NOTCH2: variants seen among roughly 807,000 people sequenced by gnomAD.
NOTCH2 encodes the protein neurogenic locus notch homolog protein 2.
Under a neutral mutation model 235.8 loss-of-function variants are expected in NOTCH2, and 29 were observed. The observed-to-expected ratio is 0.12, with a 90% CI of 0.09 to 0.17. The LOEUF is 0.17. NOTCH2 is among the 10% of genes least tolerant of loss of function. The pLI, the probability that NOTCH2 is intolerant of heterozygous loss-of-function variation, is 1.00. For synonymous variants in NOTCH2, 1,086 were observed against 1,141.5 expected, an observed-to-expected ratio of 0.95 and a Z score of 0.98; for missense variants, 2,285 against 3,150.2, an observed-to-expected ratio of 0.73 and a Z score of 6.57.
chr1:120,067,692 T>C (rs1473109409), intron 1 of NOTCH2, among the ~76,000 whole-genome samples: 1 of 152,200 alleles, frequency 6.6e-6, no homozygotes, highest in African/African-American at 2.4e-5. Flanking sequence ...ATCCTAAAGC[T>C]ACACTTAAAG....
chr1:119,984,019 T>C (rs1332793540), intron 5 of NOTCH2, among the ~76,000 whole-genome samples: 6 of 152,210 alleles, frequency 3.9e-5, no homozygotes, highest in Admixed American at 3.9e-4. Flanking sequence ...AAATAGTTAA[T>C]GCTTCAAGTC....
At chr1:119,972,131 A>G (rs1651388859) in intron 5 of NOTCH2, among the ~76,000 whole-genome samples, 1 of 147,942 alleles carries the variant, frequency 6.8e-6, no homozygotes, top group African/African-American at 2.5e-5. Context: ...GGAGGAAGGT[A>G]AGAAAGGGAG....
At chr1:119,969,874 G>T in intron 5 of NOTCH2, 130 bp from the exon 6 acceptor site, 1 of 823,142 alleles carries the variant, frequency 1.2e-6, no homozygotes, top group Non-Finnish European at 2.0e-6. Flanking sequence ...CAGAAGGCTG[G>T]GTCTTCACAT....
At chr1:119,930,780 A>G (rs1553194992) in intron 22 of NOTCH2, among the ~76,000 whole-genome samples, 5 of 149,830 alleles carry the variant, frequency 3.3e-5, no homozygotes, top group African/African-American at 1.2e-4. Flanking sequence ...CTCTGTCTCA[A>G]AAAATAATAA....
In NOTCH2 at chr1:119,916,299, C is replaced by T; in HGVS notation, c.6423G>A (p.Leu2141=). 1 of 1,614,218 alleles carries T rather than the reference C, an allele frequency of 6.2e-7. No individual in the cohort carries two copies. The highest frequency in any genetic ancestry group is 8.5e-7 in the Non-Finnish European group (1 of 1,180,032). ...RKKSLSEKVQ[L]SESSVTLSPV... is the part of the protein sequence containing the mutation. ...GGGATAAAGTTACTGAACTCTCAGACAGTTGGACCTTCTCACTCAGAGACT... is the reference window on the plus strand; with the variant it reads ...GGGATAAAGTTACTGAACTCTCAGATAGTTGGACCTTCTCACTCAGAGACT... The change falls in exon 34 of 34, where the codon CTG becomes CTA. Residue 2141 remains leucine (L), a synonymous_variant. Transcript: ENST00000256646.
At chr1:119,978,438 AG>A (rs1453637643) in intron 5 of NOTCH2, among the ~76,000 whole-genome samples, 1 of 152,196 alleles carries the variant, frequency 6.6e-6, no homozygotes, top group Non-Finnish European at 1.5e-5. Flanking sequence ...TGCAGTGAGG[AG>A]AATGGACTGA....
chr1:119,930,140 T>C (rs182087728), intron 22 of NOTCH2, among the ~76,000 whole-genome samples: 1 of 152,362 alleles, frequency 6.6e-6, no homozygotes, highest in Admixed American at 6.5e-5. Context: ...GGCATATTTC[T>C]CAGAACATAT....
intron 2 of NOTCH2, among the ~76,000 whole-genome samples, chr1:120,029,347 ATATTTTTTTT>A (rs1352148865): frequency 1.3e-5 from 2 of 151,854 alleles, no homozygotes; most frequent in East Asian, 3.9e-4. Context: ...ATATTTTTTT[ATATTTTTTTT>A]TATTTCTTTT....
At position 119,940,747 on chromosome 1, in the gene NOTCH2, G is replaced by A; in HGVS notation, c.2991C>T (p.Phe997=). The A allele has an allele frequency of 6.2e-7, 1 of 1,614,116 alleles. No homozygotes were observed. The highest frequency in any genetic ancestry group is 2.2e-5 in the East Asian group (1 of 44,874). The change falls in exon 19 of 34, where the codon TTC becomes TTT. Residue 997 remains phenylalanine, a synonymous_variant. Coordinates refer to ENST00000256646, the MANE Select transcript of NOTCH2 (RefSeq NM_024408.4). The stretch of plus-strand genomic sequence containing the variant: ...TCCCATCAACACATGTGCCACCATT[G>A]AAACAGGAGCTAAGAAGCAAACAGA... ...NINECTESSC[F]NGGTCVDGIN... is the part of the protein sequence containing the mutation.
chr1:120,038,873 G>T (rs587626182), intron 1 of NOTCH2, among the ~76,000 whole-genome samples: 96 of 151,922 alleles, frequency 6.3e-4, no homozygotes, highest in African/African-American at 2.1e-3. Flanking sequence ...TTTGAATGAA[G>T]ATACACTCTC....
rs375841311 is a variant in NOTCH2, at chr1:120,045,983, A to G, written c.74-15996T>C. 2.6e-4 allele frequency among the ~76,000 whole-genome samples: 40 copies of G among 152,354 alleles called. No homozygotes were observed. In the South Asian group the frequency reaches 7.9e-3, roughly 30 times the overall value. On this transcript the variant is annotated intron_variant, in intron 1 of 33. Transcript: ENST00000256646. ...CATATAAGCTTTACTTAGAGTTAAC[A>G]TATGCATACATGGTTTAATAGCCAG... is the stretch of plus-strand genomic sequence containing the variant.
Position 119,949,000 on chromosome 1 carries a change from T to A in NOTCH2, c.2599+7A>T. 1 of 1,614,214 alleles carries A rather than the reference T, an allele frequency of 6.2e-7. No homozygotes were observed. The highest frequency in any genetic ancestry group is 2.2e-5 in the East Asian group (1 of 44,890). The stretch of plus-strand genomic sequence containing the variant: ...TGTTCTTGGCTTCTCCACACCCATG[T>A]TCTTACCTTGCCAGCCAGGAGCACA... On this transcript the variant is annotated splice_region_variant and intron_variant, in intron 16 of 33. Transcript: ENST00000256646.
intron 30 of NOTCH2, 125 bp downstream of exon 30, chr1:119,920,104 G>A (rs587731895): frequency 4.3e-5 from 43 of 1,009,756 alleles, no homozygotes; most frequent in Admixed American, 1.3e-4. Flanking sequence ...TCATTTCCTC[G>A]AGCTGATTTA....
intron 10 of NOTCH2, among the ~76,000 whole-genome samples, chr1:119,964,501 C>A (rs1651063915): frequency 1.3e-5 from 2 of 152,126 alleles, no homozygotes; most frequent in Admixed American, 6.6e-5. Flanking sequence ...CAGGGGAAGA[C>A]AAAATCTGGA....
At chr1:119,933,052 A>G (rs910799833) in intron 22 of NOTCH2, among the ~76,000 whole-genome samples, 21 of 152,232 alleles carry the variant, frequency 1.4e-4, no homozygotes, top group African/African-American at 5.1e-4. Flanking sequence ...AAAATCTAGT[A>G]TATGCTCCCT....
intron 22 of NOTCH2, among the ~76,000 whole-genome samples, chr1:119,933,152 C>G (rs1553195373): frequency 6.6e-6 from 1 of 152,140 alleles, no homozygotes. Flanking sequence ...CAGAAATAAA[C>G]AGATCTATCA....
At position 119,918,469 on chromosome 1, in the gene NOTCH2, C is replaced by A. The variant is rs202169747; in HGVS notation, c.5866G>T (p.Val1956Leu). The change falls in exon 32 of 34, where the codon GTG (valine) becomes TTG (leucine). Residue 1956 changes from valine to leucine, a missense_variant. Physicochemically the swap from Val to Leu is conservative, Grantham distance 32. Transcript: ENST00000256646. ...TPLILAARLAVEGMVAELINC... is the reference protein window; with the variant it reads ...TPLILAARLALEGMVAELINC... ...ATCAGTTCTGCCACCATTCCCTCCA[C>A]AGCCAGGCGGGCAGCCAGGATCAGG... 1 of 1,614,154 alleles carries A rather than the reference C, an allele frequency of 6.2e-7. No individual in the cohort carries two copies. Among genetic ancestry groups the A allele is most frequent in the Non-Finnish European group, 8.5e-7 (1 of 1,180,004 alleles).
intron 1 of NOTCH2, among the ~76,000 whole-genome samples, chr1:120,060,582 T>C (rs1361025788): frequency 1.3e-5 from 2 of 150,924 alleles, no homozygotes; most frequent in East Asian, 3.9e-4. Context: ...TTCTAGATTC[T>C]TCAAACATCC....
At chr1:119,974,222 A>G (rs1651476532) in intron 5 of NOTCH2, among the ~76,000 whole-genome samples, 1 of 152,208 alleles carries the variant, frequency 6.6e-6, no homozygotes, top group South Asian at 2.1e-4. Flanking sequence ...TCAACACACA[A>G]ACTTTGCTGG....
Sources: allele counts gnomAD v4.1 joint callset (sites outside exome capture counted in the v4.1 genomes callset), GRCh38; gene constraint gnomAD v4.1.1; transcripts MANE v1.5; gene names NCBI Gene and HGNC (gene_info 2026-07-23, HGNC 2026-07-21).